Variants in SCRN3 observed in about 807,000 individuals in gnomAD.
SCRN3 encodes secernin-3.
Under a neutral mutation model 43.1 loss-of-function variants are expected in SCRN3, and 39 were observed. That is an observed-to-expected ratio of 0.91 (90% CI 0.70 to 1.18). SCRN3 has a LOEUF of 1.18. Ranked by LOEUF, SCRN3 falls within the 50% of genes most tolerant of loss-of-function variation. The probability of loss-of-function intolerance (pLI) is 0.00; values close to 1 mark genes in which losing one functional copy is unlikely to be tolerated. For missense variants in SCRN3, 484 were observed against 498.0 expected, an observed-to-expected ratio of 0.97 and a Z score of 0.27; for synonymous variants, 147 against 163.1, an observed-to-expected ratio of 0.90 and a Z score of 0.75.
rs1490589500 is a variant in SCRN3, at chr2:174,409,767, G to T, written c.754+5452G>T. 4.2e-5 allele frequency among the ~76,000 whole-genome samples: 6 copies of T among 144,088 alleles called. 1 individual carries two copies. Among genetic ancestry groups the T allele is most frequent in the Non-Finnish European group, 9.4e-5 (6 of 63,544 alleles). 94.5% of individuals were successfully genotyped at this position (144,088 alleles called of 152,430 possible). ...CTGGGAGGTGCCTCCCAGTTAGGCT[G>T]CTCGGGGGTCAGGGGTCAGGGACCC... On this transcript the variant is annotated intron_variant, in intron 5 of 7. Coordinates refer to ENST00000272732, the MANE Select transcript of SCRN3 (RefSeq NM_024583.5).
intron 5 of SCRN3, among the ~76,000 whole-genome samples, chr2:174,416,741 CTT>C (rs1287540575): frequency 6.6e-6 from 1 of 152,136 alleles, no homozygotes; most frequent in Non-Finnish European, 1.5e-5. Context: ...TATTTTCAGT[CTT>C]TTATTGACAG....
intron 5 of SCRN3, among the ~76,000 whole-genome samples, chr2:174,414,159 G>A (rs775930641): frequency 1.3e-5 from 2 of 152,120 alleles, no homozygotes; most frequent in African/African-American, 2.4e-5. Context: ...AGTTATCTGC[G>A]GGAGGATTGG....
intron 7 of SCRN3, among the ~76,000 whole-genome samples, chr2:174,427,283 C>T (rs1043259685): frequency 1.3e-5 from 2 of 152,058 alleles, no homozygotes; most frequent in Admixed American, 1.3e-4. Context: ...GAAATGTCTT[C>T]TTTTGGTTGA....
chr2:174,416,785 G>A (rs773854136), intron 5 of SCRN3, among the ~76,000 whole-genome samples: 11 of 152,262 alleles, frequency 7.2e-5, no homozygotes, highest in South Asian at 4.2e-4. Flanking sequence ...ATCTTTTTAC[G>A]TGAAGTTATG....
At chr2:174,412,891 G>A (rs4972658) in intron 5 of SCRN3, among the ~76,000 whole-genome samples, 34,454 of 132,946 alleles carry the variant, frequency 0.26, 5,474 homozygotes, top group African/African-American at 0.44. Flanking sequence ...TTTTGAGATG[G>A]GGTTTCACTC....
intron 5 of SCRN3, among the ~76,000 whole-genome samples, chr2:174,404,595 A>G (rs1323315775): frequency 8.7e-6 from 1 of 114,710 alleles, no homozygotes; most frequent in African/African-American, 3.4e-5. Context: ...TCCCAATGCT[A>G]TCCCTCCCCC....
chr2:174,424,070 C>T (rs970986154), intron 6 of SCRN3, among the ~76,000 whole-genome samples: 1 of 152,122 alleles, frequency 6.6e-6, no homozygotes, highest in African/African-American at 2.4e-5. Flanking sequence ...GGATTACAGG[C>T]ATGAGCCACT....
intron 7 of SCRN3, among the ~76,000 whole-genome samples, chr2:174,425,020 G>GTATA (rs1294713631): frequency 6.6e-6 from 1 of 152,072 alleles, no homozygotes; most frequent in Non-Finnish European, 1.5e-5. Context: ...AACTTGCTTA[G>GTATA]TATATATCCC....
At chr2:174,411,192 C>T (rs559481560) in intron 5 of SCRN3, among the ~76,000 whole-genome samples, 1 of 152,278 alleles carries the variant, frequency 6.6e-6, no homozygotes. Flanking sequence ...CTGGAGCTAC[C>T]TGGTGAGGAA....
chr2:174,426,919 G>A (rs546002825), intron 7 of SCRN3, among the ~76,000 whole-genome samples: 177 of 151,442 alleles, frequency 1.2e-3, no homozygotes, highest in African/African-American at 4.0e-3. Flanking sequence ...TGCAACCTCC[G>A]CCTTCCAGGT....
intron 5 of SCRN3, among the ~76,000 whole-genome samples, chr2:174,421,864 G>C (rs1008291953): frequency 6.6e-6 from 1 of 152,136 alleles, no homozygotes; most frequent in Non-Finnish European, 1.5e-5. Flanking sequence ...GCTAAGTTCT[G>C]TATGGGTCCT....
intron 5 of SCRN3, among the ~76,000 whole-genome samples, chr2:174,405,736 T>A (rs1438954337): frequency 1.3e-4 from 20 of 150,936 alleles, no homozygotes; most frequent in Middle Eastern, 3.5e-3. Flanking sequence ...ATTGCTTGTT[T>A]TTCTCAGGTT....
Position 174,396,801 on chromosome 2 carries a change from A to AAAAAC in SCRN3, c.-10+988_-10+989insCAAAA, listed in dbSNP as rs1361307164. On this transcript the variant is annotated intron_variant, in intron 1 of 7. Transcript: ENST00000272732. ...CAACAAGAGTTAAACTCCATCAAAA[A>AAAAAC]AAAAAAACAAAAAACGAATAAGCCT... is the stretch of plus-strand genomic sequence containing the variant. Among the ~76,000 whole-genome samples the AAAAAC allele has an allele frequency of 2.6e-3, 371 of 144,194 alleles. 2 individuals carry two copies. Among genetic ancestry groups the AAAAAC allele is most frequent in the Non-Finnish European group, 3.9e-3 (245 of 63,378 alleles). The allele number at this position is 144,194 out of a possible 152,430, so 94.6% of individuals were successfully genotyped here. A position where few individuals can be genotyped will look rare whatever the true frequency, so the allele number is the denominator to read the frequency against.
intron 5 of SCRN3, among the ~76,000 whole-genome samples, chr2:174,413,880 C>T (rs532070207): frequency 9.3e-5 from 14 of 150,966 alleles, no homozygotes; most frequent in African/African-American, 2.7e-4. Flanking sequence ...TGTGAGCCAC[C>T]GCACCCAGCC....
chr2:174,428,029 G>A lies in SCRN3; in HGVS notation c.*134G>A. The A allele has an allele frequency of 1.8e-6, 1 of 541,506 alleles. No homozygotes were observed. Among genetic ancestry groups the A allele is most frequent in the Non-Finnish European group, 3.2e-6 (1 of 311,218 alleles). 33.5% of individuals were successfully genotyped at this position (541,506 alleles called of 1,614,324 possible). The stretch of plus-strand genomic sequence containing the variant: ...GATTATTCTTGGATAGTATTCAAGT[G>A]GTATCTTGACTATTAAACTACGTAT... On this transcript the variant is annotated 3_prime_UTR_variant, in exon 8 of 8. Coordinates refer to ENST00000272732, the MANE Select transcript of SCRN3 (RefSeq NM_024583.5).
intron 5 of SCRN3, among the ~76,000 whole-genome samples, chr2:174,420,000 C>T (rs541257236): frequency 2.0e-5 from 3 of 152,028 alleles, no homozygotes; most frequent in South Asian, 4.2e-4. Context: ...AGACGAAGGG[C>T]CTAGATCCTG....
intron 3 of SCRN3, among the ~76,000 whole-genome samples, chr2:174,400,697 A>G (rs1374857105): frequency 6.6e-6 from 1 of 152,166 alleles, no homozygotes; most frequent in Non-Finnish European, 1.5e-5. Context: ...TCTCACAATA[A>G]CCTCATGGGC....
chr2:174,417,467 C>T (rs958181651), intron 5 of SCRN3, among the ~76,000 whole-genome samples: 6 of 152,102 alleles, frequency 3.9e-5, no homozygotes, highest in African/African-American at 1.4e-4. Context: ...GATCTCAGCT[C>T]ACTGCAACCT....
At position 174,424,475 on chromosome 2, in the gene SCRN3, ATC is replaced by A. The variant is rs1559084791; in HGVS notation, c.920_921del (p.Ser307CysfsTer3). 6.3e-7 allele frequency: 1 copy of A among 1,577,756 alleles called. No homozygotes were observed. Among genetic ancestry groups the A allele is most frequent in the South Asian group, 1.2e-5 (1 of 86,540 alleles). Reference sequence around the variant, plus strand: ...ATTTAATAAAGACTCTTTTTTCTAGATCTGTTTTTAAGCCTTTCATATTTGTG... The same window carrying A: ...ATTTAATAAAGACTCTTTTTTCTAGATGTTTTTAAGCCTTTCATATTTGTG... ...FFTGTPDPER[S>X]VFKPFIFVPH... On this transcript the variant is annotated frameshift_variant and splice_region_variant, in exon 7 of 8. Coordinates refer to ENST00000272732, the MANE Select transcript of SCRN3 (RefSeq NM_024583.5). LOFTEE classifies it high-confidence loss of function.
Sources: allele counts gnomAD v4.1 joint callset (sites outside exome capture counted in the v4.1 genomes callset), GRCh38; gene constraint gnomAD v4.1.1; transcripts MANE v1.5; gene names NCBI Gene and HGNC (gene_info 2026-07-23, HGNC 2026-07-21).